PPP3R1: variants seen among roughly 807,000 people sequenced by gnomAD.
The protein encoded by PPP3R1 is protein phosphatase 3 regulatory subunit B, alpha.
PPP3R1 carries 5 observed loss-of-function variants against 22.6 expected under a neutral mutation model. The ratio of observed to expected loss-of-function variants is 0.22; its 90% confidence interval spans 0.12 to 0.46. The LOEUF (loss-of-function observed/expected upper bound fraction) is 0.46, where lower values mean the gene tolerates loss of function less well. Ranked by LOEUF, PPP3R1 falls within the 20% of genes least tolerant of loss-of-function variation. The pLI is 0.99. For missense variants in PPP3R1, 61 were observed against 203.2 expected (o/e 0.30, Z 4.25); for synonymous variants, 56 against 65.2 (o/e 0.86, Z 0.68).
At chr2:68,204,983 T>C (rs1276731508) in intron 2 of PPP3R1, among the ~76,000 whole-genome samples, 1 of 152,244 alleles carries the variant, frequency 6.6e-6, no homozygotes, top group Non-Finnish European at 1.5e-5. Flanking sequence ...TTCTGAATTG[T>C]AATTAAATAA....
intron 2 of PPP3R1, among the ~76,000 whole-genome samples, chr2:68,195,357 T>C (rs1343728052): frequency 2.0e-5 from 3 of 152,176 alleles, no homozygotes; most frequent in Non-Finnish European, 2.9e-5. Context: ...AGAAATGATA[T>C]TGTGTCCTCC....
At chr2:68,219,597 T>C (rs1339312288) in intron 1 of PPP3R1, among the ~76,000 whole-genome samples, 1 of 152,194 alleles carries the variant, frequency 6.6e-6, no homozygotes, top group African/African-American at 2.4e-5. Flanking sequence ...AATTATTATA[T>C]CAGACTTAAC....
rs1674550110 is a variant in PPP3R1 at position 68,186,568 on chromosome 2, T to A, written c.365A>T (p.Asn122Ile). ...CTGTAACTGTGTATCTTTCAGATTG[T>A]TCCCCACCATCATCTTCAATACCTG... ...LFQVLKMMVG[N>I]NLKDTQLQQI... Residue 122 changes from asparagine to isoleucine, a missense_variant, in exon 5 of 6, where the codon AAC (asparagine) becomes ATC (isoleucine). Coordinates refer to ENST00000234310, the MANE Select transcript of PPP3R1 (RefSeq NM_000945.4). 6.2e-7 allele frequency: 1 copy of A among 1,612,564 alleles called. No individual in the cohort carries two copies. Among genetic ancestry groups the A allele is most frequent in the Non-Finnish European group, 8.5e-7 (1 of 1,178,794 alleles).
At chr2:68,251,242 C>CT (rs1037134088) in intron 1 of PPP3R1, 2 of 152,352 alleles carry the variant, frequency 1.3e-5, no homozygotes, top group Non-Finnish European at 2.9e-5. Context: ...AGACACACCC[C>CT]TAGCGTCGGT....
chr2:68,214,395 G>A (rs961538701), intron 2 of PPP3R1, among the ~76,000 whole-genome samples: 1 of 151,990 alleles, frequency 6.6e-6, no homozygotes, highest in East Asian at 1.9e-4. Context: ...TCTATCAAAG[G>A]TCTAACATCC....
At chr2:68,207,162 G>A (rs1366141672) in intron 2 of PPP3R1, among the ~76,000 whole-genome samples, 2 of 147,668 alleles carry the variant, frequency 1.4e-5, no homozygotes, top group African/African-American at 5.0e-5. Flanking sequence ...AAAAGTGGCA[G>A]TTTTAATGTG....
At chr2:68,208,322 C>T (rs1345288939) in intron 2 of PPP3R1, among the ~76,000 whole-genome samples, 2 of 152,186 alleles carry the variant, frequency 1.3e-5, no homozygotes, top group African/African-American at 2.4e-5. Flanking sequence ...CTATAGTCTA[C>T]AAGAGGGTTC....
intron 2 of PPP3R1, among the ~76,000 whole-genome samples, chr2:68,206,138 C>T (rs1053793740): frequency 2.0e-5 from 3 of 151,860 alleles, no homozygotes; most frequent in African/African-American, 7.3e-5. Flanking sequence ...GGTTCAAATA[C>T]GTGAAAGAAC....
In PPP3R1 at chr2:68,232,160, CATATAT is replaced by C. The variant is rs1172808789; in HGVS notation, c.4-15035_4-15030del. ...ACACATATATATGTATATATATATA[CATATAT>C]AAATACATATATACGTATATGTATA... On this transcript the variant is annotated intron_variant, in intron 1 of 5. Transcript: ENST00000234310. Among the ~76,000 whole-genome samples, 34 of 61,708 alleles carry C rather than the reference CATATAT, an allele frequency of 5.5e-4. No homozygotes were observed. The East Asian group carries it at 0.017, about 31-fold the overall frequency. 40.5% of individuals were successfully genotyped at this position (61,708 alleles called of 152,430 possible).
At chr2:68,224,186 T>C (rs762684068) in intron 1 of PPP3R1, among the ~76,000 whole-genome samples, 2 of 152,216 alleles carry the variant, frequency 1.3e-5, no homozygotes, top group Non-Finnish European at 2.9e-5. Flanking sequence ...GTTGTTAAGA[T>C]GGCAATTCTT....
intron 4 of PPP3R1, among the ~76,000 whole-genome samples, 157 bp from the exon 5 acceptor site, chr2:68,186,809 T>C (rs1674555504): frequency 6.6e-6 from 1 of 152,250 alleles, no homozygotes; most frequent in Admixed American, 6.5e-5. Context: ...CAGTTTAACA[T>C]AGTTGGTTAA....
intron 2 of PPP3R1, among the ~76,000 whole-genome samples, chr2:68,215,555 C>T (rs1669563701): frequency 6.6e-6 from 1 of 152,140 alleles, no homozygotes; most frequent in African/African-American, 2.4e-5. Context: ...CCAAATCTCA[C>T]AAGTATATCT....
rs551643223 is a variant in PPP3R1 at position 68,250,537 on chromosome 2, G to T, written c.3+1588C>A. On this transcript the variant is annotated intron_variant, in intron 1 of 5. Transcript: ENST00000234310. ...AGATCCTGACCTTCAAGTAAAGCAT[G>T]TGCATAAGGAAATTCTATTAAAGCA... Among the ~76,000 whole-genome samples the T allele has an allele frequency of 1.3e-3, 203 of 152,330 alleles. 1 individual carries two copies. The highest frequency in any genetic ancestry group is 2.5e-3 in the Non-Finnish European group (167 of 68,030).
At chr2:68,185,883 T>C (rs7560691) in intron 5 of PPP3R1, among the ~76,000 whole-genome samples, 4 of 152,236 alleles carry the variant, frequency 2.6e-5, no homozygotes, top group Admixed American at 2.0e-4. Context: ...AAGGATAATA[T>C]GAACTTCTAC....
chr2:68,227,264 A>AT (rs1270819286), intron 1 of PPP3R1, among the ~76,000 whole-genome samples: 2 of 152,132 alleles, frequency 1.3e-5, no homozygotes, highest in Non-Finnish European at 2.9e-5. Context: ...GTAATAGAAT[A>AT]TTTTTTAAAA....
intron 1 of PPP3R1, among the ~76,000 whole-genome samples, chr2:68,221,188 G>A (rs1253645374): frequency 2.0e-5 from 3 of 152,100 alleles, no homozygotes; most frequent in African/African-American, 7.2e-5. Flanking sequence ...AAAATTAGCT[G>A]GGCATGGTGG....
Position 68,252,268 on chromosome 2 carries a change from A to G in PPP3R1, c.-141T>C, listed in dbSNP as rs1670383641. ...GGAGGGGGCGCGCGTGGGGGAGGGGAGGCGGCGCCGCGGGGCCCGCGCCGG... is the reference window on the plus strand; with the variant it reads ...GGAGGGGGCGCGCGTGGGGGAGGGGGGGCGGCGCCGCGGGGCCCGCGCCGG... On this transcript the variant is annotated 5_prime_UTR_variant, in exon 1 of 6. Coordinates refer to ENST00000234310, the MANE Select transcript of PPP3R1 (RefSeq NM_000945.4). 2 of 1,027,628 alleles carry G rather than the reference A, an allele frequency of 1.9e-6. No individual in the cohort carries two copies. Among genetic ancestry groups the G allele is most frequent in the African/African-American group, 3.9e-5 (2 of 51,150 alleles). The allele number at this position is 1,027,628 out of a possible 1,614,324, so 63.7% of individuals were successfully genotyped here.
chr2:68,193,830 T>C (rs573460993), intron 2 of PPP3R1, among the ~76,000 whole-genome samples: 4 of 152,242 alleles, frequency 2.6e-5, no homozygotes, highest in East Asian at 1.9e-4. Context: ...AGTATATTTA[T>C]AGAAGATCTG....
intron 1 of PPP3R1, among the ~76,000 whole-genome samples, chr2:68,227,839 G>A (rs1338762769): frequency 4.0e-5 from 6 of 151,704 alleles, no homozygotes; most frequent in East Asian, 1.9e-4. Flanking sequence ...CAATTTCGCC[G>A]AACTTATTCA....
Sources: allele counts gnomAD v4.1 joint callset (sites outside exome capture counted in the v4.1 genomes callset), GRCh38; gene constraint gnomAD v4.1.1; transcripts MANE v1.5; gene names NCBI Gene and HGNC (gene_info 2026-07-23, HGNC 2026-07-21).